The following RDX variants were observed in gnomAD, a reference collection of about 807,000 sequenced individuals.
RDX encodes the protein radixin.
In RDX, 32 loss-of-function variants were observed where a neutral mutation model predicts 83.7. That is an observed-to-expected ratio of 0.38 (90% CI 0.29 to 0.51). The LOEUF (loss-of-function observed/expected upper bound fraction) is 0.51. RDX is among the 20% of genes least tolerant of loss of function. The pLI is 0.87. For missense variants in RDX, 600 were observed against 689.9 expected, an observed-to-expected ratio of 0.87 and a Z score of 1.46; for synonymous variants, 229 against 222.7, an observed-to-expected ratio of 1.03 and a Z score of -0.25.
chr11:110,229,302 G>A (rs1864535573), downstream of RDX: 1 of 152,324 alleles, frequency 6.6e-6, no homozygotes, highest in South Asian at 2.1e-4. Flanking sequence ...AGGTATCGGG[G>A]AAAGAGTAGA....
rs774837032 is a variant in RDX, at chr11:110,233,348, A to G, written c.1476T>C (p.Asn492=). Residue 492 remains asparagine, a synonymous_variant, in exon 13 of 14, where the codon AAT becomes AAC. Transcript: ENST00000645495. ...ATAATTCAGCACTAGCTTCAGCATTATTCTCATCGTGTTCATCATGTTCGT... is the reference window on the plus strand; with the variant it reads ...ATAATTCAGCACTAGCTTCAGCATTGTTCTCATCGTGTTCATCATGTTCGT... The part of the protein sequence containing the change: ...TENEHDEHDE[N]NAEASAELSN... 6.2e-7 allele frequency: 1 copy of G among 1,614,122 alleles called. No homozygotes were observed. Among genetic ancestry groups the G allele is most frequent in the Non-Finnish European group, 8.5e-7 (1 of 1,180,020 alleles).
At chr11:110,204,845 T>G (rs56024272) in intron 14 of RDX, among the ~76,000 whole-genome samples, 7,912 of 152,218 alleles carry the variant, frequency 0.052, 692 homozygotes, top group African/African-American at 0.18. Context: ...CAAATTAATC[T>G]GTTAATACAT....
chr11:110,232,125 C>A, intron 13 of RDX, 92 bp from the exon 14 acceptor site: 3 of 986,854 alleles, frequency 3.0e-6, no homozygotes, highest in Admixed American at 1.9e-5. Flanking sequence ...ATACATATAC[C>A]AAATCATTTC....
At chr11:110,234,329 T>A (rs1864755437) in intron 12 of RDX, among the ~76,000 whole-genome samples, 3 of 152,116 alleles carry the variant, frequency 2.0e-5, no homozygotes, top group Admixed American at 2.0e-4. Flanking sequence ...GAAACTGCCC[T>A]CCATTAAAAG....
At chr11:110,236,052 G>C in intron 12 of RDX, 47 bp downstream of exon 12, 4 of 1,298,648 alleles carry the variant, frequency 3.1e-6, no homozygotes, top group Non-Finnish European at 4.5e-6. Flanking sequence ...CATAATCCTG[G>C]GTATAAAAGC....
chr11:110,265,256 A>C (rs970398268), intron 3 of RDX, among the ~76,000 whole-genome samples: 9 of 151,614 alleles, frequency 5.9e-5, no homozygotes, highest in Non-Finnish European at 1.5e-5. Context: ...ACGCCTAGCT[A>C]ATTTTTTGTA....
At chr11:110,269,400 A>G (rs1860200808) in intron 3 of RDX, among the ~76,000 whole-genome samples, 1 of 152,194 alleles carries the variant, frequency 6.6e-6, no homozygotes, top group African/African-American at 2.4e-5. Context: ...GTCAAGAAAA[A>G]AGTCAGCAAG....
At chr11:110,222,725 G>A (rs1289252076) in intron 14 of RDX, among the ~76,000 whole-genome samples, 2 of 152,168 alleles carry the variant, frequency 1.3e-5, no homozygotes, top group Non-Finnish European at 2.9e-5. Context: ...GAACCCGGGA[G>A]GTGGAGGTTG....
At chr11:110,282,393 T>TATCA (rs1860798731) in intron 1 of RDX, among the ~76,000 whole-genome samples, 1 of 152,290 alleles carries the variant, frequency 6.6e-6, no homozygotes, top group Admixed American at 6.5e-5. Context: ...TTCTACAACG[T>TATCA]ATCAGCCTGT....
chr11:110,216,030 CCTTTG>C (rs1864039171), intron 14 of RDX, among the ~76,000 whole-genome samples: 1 of 152,170 alleles, frequency 6.6e-6, no homozygotes, highest in African/African-American at 2.4e-5. Flanking sequence ...CTTGAATTTA[CCTTTG>C]CTTAGCTCGA....
chr11:110,206,861 A>T (rs1863624366), intron 14 of RDX, among the ~76,000 whole-genome samples: 1 of 152,242 alleles, frequency 6.6e-6, no homozygotes, highest in South Asian at 2.1e-4. Flanking sequence ...AAAAGAAGCA[A>T]CTGTGTTATT....
intron 2 of RDX, among the ~76,000 whole-genome samples, chr11:110,278,019 C>T (rs1345415985): frequency 6.6e-6 from 1 of 152,108 alleles, no homozygotes; most frequent in Non-Finnish European, 1.5e-5. Context: ...ATGGATAACC[C>T]TTTGTGCCAA....
At chr11:110,204,147 C>T (rs1286444045) in intron 14 of RDX, among the ~76,000 whole-genome samples, 1 of 151,784 alleles carries the variant, frequency 6.6e-6, no homozygotes, top group Admixed American at 6.6e-5. Context: ...ATGGAGAAGA[C>T]TGAAAACTAT....
chr11:110,216,371 T>C (rs1379807769), intron 14 of RDX, among the ~76,000 whole-genome samples: 1 of 150,810 alleles, frequency 6.6e-6, no homozygotes, highest in African/African-American at 2.5e-5. Flanking sequence ...TGCCAAACTT[T>C]TTCTAATTTT....
chr11:110,243,415 C>G (rs1412611918), intron 10 of RDX, among the ~76,000 whole-genome samples: 1 of 152,042 alleles, frequency 6.6e-6, no homozygotes, highest in Non-Finnish European at 1.5e-5. Flanking sequence ...ACACTAGTAA[C>G]AGGAATAAAA....
intron 1 of RDX, among the ~76,000 whole-genome samples, chr11:110,291,265 T>C (rs1370662937): frequency 6.6e-6 from 1 of 151,996 alleles, no homozygotes; most frequent in East Asian, 1.9e-4. Context: ...TTCAAAGCCC[T>C]GGAGTTCGTG....
chr11:110,241,046 ACT>A (rs1304186258), intron 10 of RDX, among the ~76,000 whole-genome samples: 127 of 105,132 alleles, frequency 1.2e-3, no homozygotes, highest in Non-Finnish European at 1.8e-3. Flanking sequence ...ACAGAGTGAG[ACT>A]CTGTCTCCAA....
At chr11:110,220,188 A>G (rs900729150) in intron 14 of RDX, among the ~76,000 whole-genome samples, 2 of 152,240 alleles carry the variant, frequency 1.3e-5, no homozygotes, top group African/African-American at 2.4e-5. Flanking sequence ...TAAACAAAAC[A>G]TATTAAAAAA....
At chr11:110,208,905 G>A (rs1204839533) in intron 14 of RDX, among the ~76,000 whole-genome samples, 1 of 152,202 alleles carries the variant, frequency 6.6e-6, no homozygotes, top group Non-Finnish European at 1.5e-5. Context: ...GCATTGAGCA[G>A]AGATCACGTC....
Sources: gnomAD v4.1 joint callset for allele counts (sites outside exome capture counted in the v4.1 genomes callset) on GRCh38, gnomAD v4.1.1 for gene constraint, MANE v1.5 for transcripts, NCBI Gene and HGNC (gene_info 2026-07-23, HGNC 2026-07-21) for gene names.